Variants in ZMAT4 observed in about 807,000 individuals in gnomAD.
The protein encoded by ZMAT4 is zinc finger matrin-type protein 4.
Under a neutral mutation model 28.7 loss-of-function variants are expected in ZMAT4, and 17 were observed. The ratio of observed to expected loss-of-function variants is 0.59; its 90% CI spans 0.41 to 0.89. The LOEUF is 0.89. Among genes scored for constraint, ZMAT4 ranks in the 40% least tolerant of loss-of-function variants. ZMAT4 has a pLI of 0.00. For missense variants in ZMAT4, 240 were observed against 283.8 expected (o/e 0.85, Z 1.11); for synonymous variants, 117 against 109.2 (o/e 1.07, Z -0.44).
intron 5 of ZMAT4, among the ~76,000 whole-genome samples, chr8:40,625,830 G>T (rs1053415939): frequency 1.1e-4 from 2 of 18,228 alleles, no homozygotes; most frequent in Non-Finnish European, 2.1e-4. Flanking sequence ...AGACTGGGGG[G>T]CTGGGCGCGG....
At chr8:40,550,993 T>G (rs1447436481) in intron 6 of ZMAT4, among the ~76,000 whole-genome samples, 1 of 152,196 alleles carries the variant, frequency 6.6e-6, no homozygotes, top group Non-Finnish European at 1.5e-5. Context: ...TTTGTACATT[T>G]TCATGTCCCT....
chr8:40,862,584 T>TAAAAAAAAAAAAAAAA (rs398007582), intron 1 of ZMAT4, among the ~76,000 whole-genome samples: 2 of 109,952 alleles, frequency 1.8e-5, no homozygotes, highest in Admixed American at 1.0e-4. Context: ...AAAAAAAAAT[T>TAAAAAAAAAAAAAAAA]AAAAAAAAAA....
intron 2 of ZMAT4, among the ~76,000 whole-genome samples, chr8:40,782,551 CAATT>C (rs1164019048): frequency 6.6e-6 from 1 of 152,030 alleles, no homozygotes; most frequent in Non-Finnish European, 1.5e-5. Flanking sequence ...ACAAATATCT[CAATT>C]AAAATCATGG....
intron 5 of ZMAT4, among the ~76,000 whole-genome samples, chr8:40,586,222 A>G (rs1244176059): frequency 6.6e-6 from 1 of 152,316 alleles, no homozygotes; most frequent in African/African-American, 2.4e-5. Context: ...TTGGTATTAT[A>G]TGAGTCTTCT....
intron 4 of ZMAT4, among the ~76,000 whole-genome samples, chr8:40,680,550 G>A (rs1232324869): frequency 6.6e-6 from 1 of 152,044 alleles, no homozygotes; most frequent in Non-Finnish European, 1.5e-5. Context: ...CATTAGCTGG[G>A]GAAGAGGGTG....
At chr8:40,857,960 C>T (rs948291756) in intron 1 of ZMAT4, among the ~76,000 whole-genome samples, 17 of 152,168 alleles carry the variant, frequency 1.1e-4, no homozygotes, top group Non-Finnish European at 2.2e-4. Context: ...GAAGGGCAGA[C>T]GAGACCACCC....
At chr8:40,637,334 G>A (rs1806832881) in intron 5 of ZMAT4, among the ~76,000 whole-genome samples, 1 of 152,194 alleles carries the variant, frequency 6.6e-6, no homozygotes, top group African/African-American at 2.4e-5. Flanking sequence ...GAATTGCTGA[G>A]CACCAAATCA....
chr8:40,697,098 G>A lies in ZMAT4; in HGVS notation c.349+147C>T, dbSNP rs925032746. The A allele has an allele frequency of 1.1e-5, 10 of 920,770 alleles. 1 individual carries two copies. The African/African-American group carries it at 1.7e-4, about 15-fold the overall frequency. The allele number at this position is 920,770 out of a possible 1,614,324, so 57.0% of individuals were successfully genotyped here. ...TCTTAGGACAGCCAGGTCTGCTGAGGTCAGCCACTCATCCCTTTAGGCTTT... is the reference window on the plus strand; with the variant it reads ...TCTTAGGACAGCCAGGTCTGCTGAGATCAGCCACTCATCCCTTTAGGCTTT... On this transcript the variant is annotated intron_variant, in intron 4 of 6. Transcript: ENST00000297737.
intron 6 of ZMAT4, among the ~76,000 whole-genome samples, chr8:40,537,468 C>T (rs568849707): frequency 5.0e-4 from 76 of 152,292 alleles, no homozygotes; most frequent in African/African-American, 1.8e-3. Flanking sequence ...ATGAATTCAA[C>T]TCTTCTGCTT....
intron 4 of ZMAT4, among the ~76,000 whole-genome samples, chr8:40,682,954 T>G (rs1387424347): frequency 6.6e-6 from 1 of 152,204 alleles, no homozygotes; most frequent in African/African-American, 2.4e-5. Context: ...ATGACTTTCT[T>G]GTGTTGCTTG....
chr8:40,805,006 C>T (rs971795666), intron 2 of ZMAT4, among the ~76,000 whole-genome samples: 4 of 148,808 alleles, frequency 2.7e-5, no homozygotes, highest in African/African-American at 9.8e-5. Context: ...TCAGAGTGAA[C>T]AGGCAACCTA....
chr8:40,885,675 G>A (rs1240497169), intron 1 of ZMAT4, among the ~76,000 whole-genome samples: 1 of 152,146 alleles, frequency 6.6e-6, no homozygotes, highest in African/African-American at 2.4e-5. Context: ...TTACTCCTCA[G>A]CTCAAAAATC....
chr8:40,770,554 T>TC (rs1456434570), intron 2 of ZMAT4, among the ~76,000 whole-genome samples: 6 of 147,578 alleles, frequency 4.1e-5, no homozygotes, highest in African/African-American at 7.4e-5. Context: ...CTCTCATTTT[T>TC]TTTTTTTTTT....
chr8:40,840,110 G>A (rs1563519352), intron 1 of ZMAT4, among the ~76,000 whole-genome samples: 1 of 152,192 alleles, frequency 6.6e-6, no homozygotes, highest in Non-Finnish European at 1.5e-5. Context: ...CATGGCTGAG[G>A]TGCCCTTTCA....
intron 1 of ZMAT4, among the ~76,000 whole-genome samples, chr8:40,864,744 A>C (rs1312617245): frequency 6.6e-6 from 1 of 152,174 alleles, no homozygotes; most frequent in Non-Finnish European, 1.5e-5. Flanking sequence ...GTTCAGCAAA[A>C]ACATAGAGAG....
At chr8:40,685,203 A>C (rs752653125) in intron 4 of ZMAT4, among the ~76,000 whole-genome samples, 1 of 152,100 alleles carries the variant, frequency 6.6e-6, no homozygotes. Context: ...AGATGGGGCT[A>C]CTCTGCTCCA....
chr8:40,619,798 G>C (rs1806134081), intron 5 of ZMAT4, among the ~76,000 whole-genome samples: 1 of 152,176 alleles, frequency 6.6e-6, no homozygotes, highest in African/African-American at 2.4e-5. Context: ...AATCCCCTGA[G>C]TAAGGAAGTG....
At chr8:40,768,214 A>G (rs1813242314) in intron 2 of ZMAT4, among the ~76,000 whole-genome samples, 1 of 152,152 alleles carries the variant, frequency 6.6e-6, no homozygotes, top group Non-Finnish European at 1.5e-5. Flanking sequence ...TAAGCTATCA[A>G]AAGGGATGGG....
chr8:40,578,805 T>C (rs1804355040), intron 6 of ZMAT4, among the ~76,000 whole-genome samples: 1 of 152,206 alleles, frequency 6.6e-6, no homozygotes. Flanking sequence ...TAAGAGATGT[T>C]CCCTTCTGAA....
Sources: allele counts gnomAD v4.1 joint callset (sites outside exome capture counted in the v4.1 genomes callset), GRCh38; gene constraint gnomAD v4.1.1; transcripts MANE v1.5; gene names NCBI Gene and HGNC (gene_info 2026-07-23, HGNC 2026-07-21).